Variants in GIT1 observed in about 807,000 individuals in gnomAD.
The protein encoded by GIT1 is ARF GTPase-activating protein GIT1.
In GIT1, 14 loss-of-function variants were observed where a neutral mutation model predicts 91.7. The ratio of observed to expected loss-of-function variants is 0.15; its 90% CI spans 0.10 to 0.24. The LOEUF is 0.24. Among genes scored for constraint, GIT1 ranks in the 10% least tolerant of loss-of-function variants. GIT1 has a pLI of 1.00. For synonymous variants in GIT1, 414 were observed against 418.2 expected (o/e 0.99, Z 0.12); for missense variants, 717 against 1,024.9 (o/e 0.70, Z 4.10).
In GIT1 at chr17:29,581,533, G is replaced by T; in HGVS notation, c.719-153C>A. On this transcript the variant is annotated intron_variant, in intron 6 of 19. Transcript: ENST00000225394. This position sits in a 1 kb window ranked among gnomAD's most constrained non-coding sequence, Gnocchi z 4.8. ...ACCCCCAAGAATGCTGGGAGCTCGTGGGAGGATGCAGGATGCCCACCCCCA... is the reference window on the plus strand; with the variant it reads ...ACCCCCAAGAATGCTGGGAGCTCGTTGGAGGATGCAGGATGCCCACCCCCA... 1.4e-6 allele frequency: 1 copy of T among 730,370 alleles called. No individual in the cohort carries two copies. Among genetic ancestry groups the T allele is most frequent in the East Asian group, 2.6e-5 (1 of 37,872 alleles). The allele number at this position is 730,370 out of a possible 1,614,324, so 45.2% of individuals were successfully genotyped here. A position where few individuals can be genotyped will look rare whatever the true frequency, so the allele number is the denominator to read the frequency against.
intron 1 of GIT1, among the ~76,000 whole-genome samples, chr17:29,586,102 T>C (rs2033587200): frequency 6.6e-6 from 1 of 152,034 alleles, no homozygotes; most frequent in African/African-American, 2.4e-5. Context: ...CAGGCGAGAG[T>C]AGTCCTTGGG....
chr17:29,575,924 G>C lies in GIT1; in HGVS notation c.1666-26C>G. 1.9e-6 allele frequency: 3 copies of C among 1,582,664 alleles called. No individual in the cohort carries two copies. The highest frequency in any genetic ancestry group is 2.3e-5 in the East Asian group (1 of 43,894). Reference sequence around the variant, plus strand: ...CTGAAACCCAGGGCAGCGCTGGATGGAGTCAGTGTGCCCCACTGCCCCCCT... The same window carrying C: ...CTGAAACCCAGGGCAGCGCTGGATGCAGTCAGTGTGCCCCACTGCCCCCCT... On this transcript the variant is annotated intron_variant, in intron 15 of 19. Coordinates refer to ENST00000225394, the MANE Select transcript of GIT1 (RefSeq NM_014030.4). The surrounding 1 kb of genome is among the most constrained non-coding windows in gnomAD (Gnocchi z 5.5).
rs1435352254 is a variant in GIT1 at position 29,574,353 on chromosome 17, G to C, written c.*349C>G. ...CATGGGGGTGGGGCGCATGTACGGA[G>C]AGCTGCCCCACTTGGAGTGTCCCCA... On this transcript the variant is annotated 3_prime_UTR_variant, in exon 20 of 20. Transcript: ENST00000225394. The C allele has an allele frequency of 3.1e-6, 1 of 322,692 alleles. No homozygotes were observed. The highest frequency in any genetic ancestry group is 5.9e-6 in the Non-Finnish European group (1 of 169,302). 20.0% of individuals were successfully genotyped at this position (322,692 alleles called of 1,614,324 possible). A position where few individuals can be genotyped will look rare whatever the true frequency, so the allele number is the denominator to read the frequency against.
In GIT1 at chr17:29,575,895, G is replaced by A. The variant is rs762146014; in HGVS notation, c.1669C>T (p.Arg557Trp). ...ACAGCTGAGGCAGACACCCCTTTCCGGATCTGAAACCCAGGGCAGCGCTGG... is the reference window on the plus strand; with the variant it reads ...ACAGCTGAGGCAGACACCCCTTTCCAGATCTGAAACCCAGGGCAGCGCTGG... ...VHVPAGLYRI[R>W]KGVSASAVPF... The change falls in exon 16 of 20, where the codon CGG becomes TGG. Residue 557 changes from arginine (R) to tryptophan (W), a missense_variant. Transcript: ENST00000225394. The surrounding 1 kb of genome is among the most constrained non-coding windows in gnomAD (Gnocchi z 5.5). 12 of 1,606,114 alleles carry A rather than the reference G, an allele frequency of 7.5e-6. No homozygotes were observed. The highest frequency in any genetic ancestry group is 2.7e-5 in the African/African-American group (2 of 74,682).
Position 29,574,789 on chromosome 17 carries a change from C to T in GIT1, c.2199G>A (p.Leu733=), listed in dbSNP as rs2033125240. 6.2e-7 allele frequency: 1 copy of T among 1,613,020 alleles called. No individual in the cohort carries two copies. The highest frequency in any genetic ancestry group is 8.5e-7 in the Non-Finnish European group (1 of 1,179,946). ...EPGAPVDFQL[L]TQQVIQCAYD... ...AGGCGCACTGGATCACCTGCTGAGTCAGCAGCTGGAAGTCCACTGGGGCGC... is the reference window on the plus strand; with the variant it reads ...AGGCGCACTGGATCACCTGCTGAGTTAGCAGCTGGAAGTCCACTGGGGCGC... The change falls in exon 20 of 20, where the codon CTG becomes CTA. Residue 733 remains leucine (L), a synonymous_variant. Coordinates refer to ENST00000225394, the MANE Select transcript of GIT1 (RefSeq NM_014030.4).
rs1218318664 is a variant in GIT1, at chr17:29,581,036, C to G, written c.761+302G>C. ...TCAGGTGATCCGCCCGCCTCGGCCT[C>G]CCAAAGTGCTGGGATTACAGGCGTG... On this transcript the variant is annotated intron_variant, in intron 7 of 19. Transcript: ENST00000225394. This position sits in a 1 kb window ranked among gnomAD's most constrained non-coding sequence, Gnocchi z 4.8. The G allele has an allele frequency of 2.5e-6, 1 of 397,772 alleles. No homozygotes were observed. The highest frequency in any genetic ancestry group is 2.0e-5 in the African/African-American group (1 of 49,618). 24.6% of individuals were successfully genotyped at this position (397,772 alleles called of 1,614,324 possible).
intron 1 of GIT1, among the ~76,000 whole-genome samples, chr17:29,584,677 TGGGGTG>T (rs1224458834): frequency 6.6e-6 from 1 of 152,128 alleles, no homozygotes; most frequent in Non-Finnish European, 1.5e-5. Context: ...AACCCTGTCC[TGGGGTG>T]GGGGTGGGGG....
In GIT1 at chr17:29,575,944, C is replaced by G. The variant is rs748436918; in HGVS notation, c.1666-46G>C. The G allele has an allele frequency of 6.5e-7, 1 of 1,549,262 alleles. No individual in the cohort carries two copies. Among genetic ancestry groups the G allele is most frequent in the Non-Finnish European group, 8.9e-7 (1 of 1,126,634 alleles). On this transcript the variant is annotated intron_variant, in intron 15 of 19. Coordinates refer to ENST00000225394, the MANE Select transcript of GIT1 (RefSeq NM_014030.4). The surrounding 1 kb of genome is among the most constrained non-coding windows in gnomAD (Gnocchi z 5.5). ...GGATGGAGTCAGTGTGCCCCACTGC[C>G]CCCCTGCTCACCAGCAGTGCAGCAG... is the stretch of plus-strand genomic sequence containing the variant.
chr17:29,576,768 C>G, intron 12 of GIT1, 94 bp from the exon 13 acceptor site: 1 of 1,578,308 alleles, frequency 6.3e-7, no homozygotes, highest in Non-Finnish European at 8.6e-7. Context: ...GCCCACCTGT[C>G]CCTCAGGCCC....
At chr17:29,576,042 T>C in intron 15 of GIT1, 36 bp downstream of exon 15, 1 of 1,608,760 alleles carries the variant, frequency 6.2e-7, no homozygotes, top group Non-Finnish European at 8.5e-7. Flanking sequence ...GCTCAGAACC[T>C]ACTGGCTAAG....
In GIT1 at chr17:29,578,321, C is replaced by T. The variant is rs750140646; in HGVS notation, c.861G>A (p.Val287=). The T allele has an allele frequency of 3.4e-5, 55 of 1,613,970 alleles. No individual in the cohort carries two copies. Among genetic ancestry groups the T allele is most frequent in the Non-Finnish European group, 4.3e-5 (51 of 1,179,952 alleles). The stretch of plus-strand genomic sequence containing the variant: ...CACCTGCATCATTTTCTCTTCGATC[C>T]ACCTCGTCATACACGTCCATGGCGA... The part of the protein sequence containing the change: ...EELAMDVYDE[V]DRRENDAVWL... Residue 287 remains valine, a synonymous_variant, in exon 9 of 20, where the codon GTG becomes GTA. Coordinates refer to ENST00000225394, the MANE Select transcript of GIT1 (RefSeq NM_014030.4).
chr17:29,582,837 G>T, intron 3 of GIT1, 34 bp from the exon 4 acceptor site: 1 of 1,576,130 alleles, frequency 6.3e-7, no homozygotes, highest in Non-Finnish European at 8.7e-7. Flanking sequence ...TGGGGAGCAT[G>T]GTGGGAGAGG....
At chr17:29,586,000 G>C (rs143394998) in intron 1 of GIT1, among the ~76,000 whole-genome samples, 2 of 152,154 alleles carry the variant, frequency 1.3e-5, no homozygotes, top group African/African-American at 4.8e-5. Flanking sequence ...AGGGCCAGTA[G>C]GTTTGCACAT....
In GIT1 at chr17:29,575,438, T is replaced by C. The variant is rs1482277920; in HGVS notation, c.1859A>G (p.Lys620Arg). The C allele has an allele frequency of 2.5e-6, 4 of 1,612,010 alleles. No homozygotes were observed. Among genetic ancestry groups the C allele is most frequent in the Admixed American group, 1.7e-5 (1 of 59,648 alleles). ...CAGCTCTGGGTGGAAGTCTTCCTCT[T>C]TGCCCAGCTCTAGAAACCTCTTCCC... is the stretch of plus-strand genomic sequence containing the variant. ...LEGKRFLELG[K>R]EEDFHPELES... The change falls in exon 18 of 20, where the codon AAA becomes AGA. Residue 620 changes from lysine (K) to arginine (R), a missense_variant. Lys to Arg is a conservative substitution (Grantham distance 26, BLOSUM62 2). This residue lies in a region of GIT1 where 134 missense variants were observed against 223.8 expected (regional missense o/e 0.60). Coordinates refer to ENST00000225394, the MANE Select transcript of GIT1 (RefSeq NM_014030.4). The surrounding 1 kb of genome is among the most constrained non-coding windows in gnomAD (Gnocchi z 5.5).
intron 2 of GIT1, 36 bp downstream of exon 2, chr17:29,583,447 G>A: frequency 6.2e-7 from 1 of 1,604,252 alleles, no homozygotes; most frequent in Non-Finnish European, 8.5e-7. Flanking sequence ...CACTCTGCCT[G>A]AGGGGAAGGA....
In GIT1 at chr17:29,581,888, CCCCACCCACCCACACT is replaced by C; in HGVS notation, c.623+23_623+38del. 1 of 1,605,572 alleles carries C rather than the reference CCCCACCCACCCACACT, an allele frequency of 6.2e-7. No homozygotes were observed. Among genetic ancestry groups the C allele is most frequent in the Non-Finnish European group, 8.5e-7 (1 of 1,173,666 alleles). On this transcript the variant is annotated intron_variant, in intron 5 of 19. Transcript: ENST00000225394. This position sits in a 1 kb window ranked among gnomAD's most constrained non-coding sequence, Gnocchi z 4.8. ...CTGCAGCAGCAGCCCTCACCCACACCCCCACCCACCCACACTGCACCCTTCAGCCGACCCTCACCTG... is the reference window on the plus strand; with the variant it reads ...CTGCAGCAGCAGCCCTCACCCACACCGCACCCTTCAGCCGACCCTCACCTG...
rs73986959 is a variant in GIT1, at chr17:29,575,734, C to T, written c.1753-31G>A. Reference sequence around the variant, plus strand: ...GGGCGGAGGGAAGGGGCTGTGAGCGCCGTGTTCCTGGACCCACACTGCCCC... The same window carrying T: ...GGGCGGAGGGAAGGGGCTGTGAGCGTCGTGTTCCTGGACCCACACTGCCCC... On this transcript the variant is annotated intron_variant, in intron 16 of 19. Transcript: ENST00000225394. The surrounding 1 kb of genome is among the most constrained non-coding windows in gnomAD (Gnocchi z 5.5). 1.7e-3 allele frequency: 2,752 copies of T among 1,611,516 alleles called. 43 individuals are homozygous for T. In the African/African-American group the frequency reaches 0.033, roughly 20 times the overall value.
At chr17:29,586,860 G>A (rs763199902) in intron 1 of GIT1, among the ~76,000 whole-genome samples, 28 of 152,286 alleles carry the variant, frequency 1.8e-4, no homozygotes, top group Middle Eastern at 3.4e-3. Context: ...CCCCAGGCAG[G>A]CAGGAACACA....
chr17:29,584,591 C>T (rs573592250), intron 1 of GIT1, among the ~76,000 whole-genome samples: 9 of 152,302 alleles, frequency 5.9e-5, no homozygotes, highest in South Asian at 4.1e-4. Context: ...CATTGTGTGC[C>T]GCCTGAGAGT....
Sources: gnomAD v4.1 joint callset for allele counts (sites outside exome capture counted in the v4.1 genomes callset) on GRCh38, gnomAD v4.1.1 for gene constraint, gnomAD v4.1.1 regional missense constraint, Gnocchi (gnomAD v3.1) non-coding constraint, MANE v1.5 for transcripts, NCBI Gene and HGNC (gene_info 2026-07-23, HGNC 2026-07-21) for gene names.